AGBL4: variants seen among roughly 807,000 people sequenced by gnomAD.
AGBL4 encodes cytosolic carboxypeptidase 6.
AGBL4 carries 58 observed loss-of-function variants against 66.4 expected under a neutral mutation model. The ratio of observed to expected loss-of-function variants is 0.87; its 90% confidence interval spans 0.71 to 1.09. The LOEUF (loss-of-function observed/expected upper bound fraction) is 1.09. Ranked by LOEUF, AGBL4 falls within the 50% of genes least tolerant of loss-of-function variation. AGBL4 has a pLI of 0.00. For missense variants in AGBL4, 579 were observed against 631.0 expected (o/e 0.92, Z 0.88); for synonymous variants, 234 against 222.9 (o/e 1.05, Z -0.44).
At chr1:49,177,248 T>C (rs189370310) in intron 4 of AGBL4, among the ~76,000 whole-genome samples, 1 of 152,166 alleles carries the variant, frequency 6.6e-6, no homozygotes, top group Non-Finnish European at 1.5e-5. Context: ...TATGGAATAA[T>C]GGGGTTCCTA....
At position 48,560,223 on chromosome 1, in the gene AGBL4, A is replaced by C. The variant is rs569310082; in HGVS notation, c.1268-20485T>G. On this transcript the variant is annotated intron_variant, in intron 11 of 13. Coordinates refer to ENST00000371839, the MANE Select transcript of AGBL4 (RefSeq NM_032785.4). ...CTCAATCATTCAACCTCTTTGAGTT[A>C]GTGTATGCTGGTAACTATAGATACT... 4.6e-5 allele frequency among the ~76,000 whole-genome samples: 7 copies of C among 152,354 alleles called. No homozygotes were observed. In the East Asian group the frequency reaches 1.3e-3, roughly 29 times the overall value.
chr1:49,697,385 A>G lies in AGBL4; in HGVS notation c.210T>C (p.Ile70=). The G allele has an allele frequency of 6.5e-7, 1 of 1,547,584 alleles. No homozygotes were observed. The highest frequency in any genetic ancestry group is 8.7e-7 in the Non-Finnish European group (1 of 1,143,914). ...AGCGTGGATTACAGGTGTCCGGCCT[A>G]ATGAACAGATCATACTCAAACTCAG... The part of the protein sequence containing the change: ...QVSEFEYDLF[I]RPDTCNPRFR... Residue 70 remains isoleucine (I), a synonymous_variant, in exon 3 of 14, where the codon ATT becomes ATC. Transcript: ENST00000371839.
chr1:49,902,257 T>C (rs1206757723), intron 1 of AGBL4, among the ~76,000 whole-genome samples: 1 of 151,978 alleles, frequency 6.6e-6, no homozygotes, highest in Non-Finnish European at 1.5e-5. Context: ...ACCTAGAGAA[T>C]GGAAGAAAAT....
At chr1:49,042,337 C>A (rs974431597) in intron 5 of AGBL4, among the ~76,000 whole-genome samples, 1 of 152,102 alleles carries the variant, frequency 6.6e-6, no homozygotes, top group Non-Finnish European at 1.5e-5. Flanking sequence ...CAAGGTAATA[C>A]AAGTAGTTTC....
intron 2 of AGBL4, among the ~76,000 whole-genome samples, chr1:49,751,801 C>T (rs1468907600): frequency 6.6e-6 from 1 of 152,006 alleles, no homozygotes; most frequent in Non-Finnish European, 1.5e-5. Flanking sequence ...CTGGTTTAGT[C>T]TTAGGTGATG....
intron 1 of AGBL4, among the ~76,000 whole-genome samples, chr1:49,881,419 G>A (rs1423584873): frequency 2.0e-5 from 3 of 151,956 alleles, no homozygotes; most frequent in African/African-American, 7.3e-5. Flanking sequence ...GGATGGCTGG[G>A]TCAAATGGTA....
chr1:49,152,602 T>C (rs1646358279), intron 4 of AGBL4, among the ~76,000 whole-genome samples: 1 of 152,180 alleles, frequency 6.6e-6, no homozygotes. Flanking sequence ...GGCTGGAGCC[T>C]TAGAAGAGGT....
intron 3 of AGBL4, among the ~76,000 whole-genome samples, chr1:49,468,811 C>A (rs6666302): frequency 0.092 from 14,009 of 151,722 alleles, 893 homozygotes; most frequent in African/African-American, 0.16. Flanking sequence ...ACAATATTGA[C>A]TTTGTATATA....
At chr1:48,646,746 A>G (rs1438612622) in intron 8 of AGBL4, among the ~76,000 whole-genome samples, 1 of 152,096 alleles carries the variant, frequency 6.6e-6, no homozygotes, top group Non-Finnish European at 1.5e-5. Flanking sequence ...CAAGAGGTTA[A>G]AACTGGAGCA....
chr1:48,749,431 G>A (rs1175993410), intron 6 of AGBL4, among the ~76,000 whole-genome samples: 2 of 152,108 alleles, frequency 1.3e-5, no homozygotes, highest in Non-Finnish European at 2.9e-5. Context: ...CTACAAAATC[G>A]ATCTTATTAT....
intron 10 of AGBL4, among the ~76,000 whole-genome samples, chr1:48,588,602 T>A (rs567442912): frequency 6.6e-6 from 1 of 151,056 alleles, no homozygotes; most frequent in African/African-American, 2.4e-5. Context: ...GGAAAAGAGA[T>A]AAAGTAAACA....
chr1:49,971,152 T>C (rs1304744382), intron 1 of AGBL4, among the ~76,000 whole-genome samples: 3 of 152,194 alleles, frequency 2.0e-5, no homozygotes, highest in African/African-American at 7.2e-5. Context: ...TCAACCTTAG[T>C]CCAAAAATAT....
chr1:49,783,823 A>G (rs1486647587), intron 2 of AGBL4, among the ~76,000 whole-genome samples: 1 of 152,158 alleles, frequency 6.6e-6, no homozygotes, highest in Non-Finnish European at 1.5e-5. Flanking sequence ...ATATATCAAC[A>G]CACCAAAAAA....
chr1:49,844,936 A>T (rs1646097463), intron 2 of AGBL4: 1 of 1,367,112 alleles, frequency 7.3e-7, no homozygotes, highest in Non-Finnish European at 1.0e-6. Context: ...GTTTGGGGAA[A>T]ACAGAAGTCT....
intron 9 of AGBL4, among the ~76,000 whole-genome samples, chr1:48,625,488 T>C (rs902238224): frequency 2.6e-5 from 4 of 152,124 alleles, no homozygotes; most frequent in African/African-American, 7.2e-5. Flanking sequence ...GTATGGGAGC[T>C]GCGGCTGGGG....
At chr1:48,962,929 G>T (rs565496895) in intron 5 of AGBL4, among the ~76,000 whole-genome samples, 6 of 151,788 alleles carry the variant, frequency 4.0e-5, no homozygotes, top group South Asian at 2.1e-4. Context: ...TGAAGCTGTG[G>T]TGAAGATAAA....
At chr1:48,571,525 C>T (rs1374241799) in intron 11 of AGBL4, among the ~76,000 whole-genome samples, 2 of 152,232 alleles carry the variant, frequency 1.3e-5, no homozygotes, top group African/African-American at 4.8e-5. Flanking sequence ...TGAGAGGCAT[C>T]CTCATGACAC....
rs180814177 is a variant in AGBL4, at chr1:49,820,844, G to A, written c.157+30552C>T. Reference sequence around the variant, plus strand: ...AGGCCTGGGCTGAACTCCAGATTCTGCCACTTATTAGTTAAGCGCACTTAG... The same window carrying A: ...AGGCCTGGGCTGAACTCCAGATTCTACCACTTATTAGTTAAGCGCACTTAG... On this transcript the variant is annotated intron_variant, in intron 2 of 13. Coordinates refer to ENST00000371839, the MANE Select transcript of AGBL4 (RefSeq NM_032785.4). 2.0e-5 allele frequency among the ~76,000 whole-genome samples: 3 copies of A among 152,246 alleles called. No individual in the cohort carries two copies. In the East Asian group the frequency reaches 5.8e-4, roughly 29 times the overall value.
chr1:49,267,151 A>G (rs564815890), intron 3 of AGBL4, among the ~76,000 whole-genome samples: 1 of 152,342 alleles, frequency 6.6e-6, no homozygotes, highest in East Asian at 1.9e-4. Flanking sequence ...ATCTGCCTGA[A>G]TGGGAAGAGT....
Sources: gnomAD v4.1 joint callset for allele counts (sites outside exome capture counted in the v4.1 genomes callset) on GRCh38, gnomAD v4.1.1 for gene constraint, MANE v1.5 for transcripts, NCBI Gene and HGNC (gene_info 2026-07-23, HGNC 2026-07-21) for gene names.